KIAA2012: variants seen among roughly 807,000 people sequenced by gnomAD.
KIAA2012 encodes the protein KIAA2012.
In KIAA2012, 125 loss-of-function variants were observed where a neutral mutation model predicts 150.6. The observed-to-expected ratio is 0.83, with a 90% CI of 0.72 to 0.96. KIAA2012 has a LOEUF of 0.96. Among genes scored for constraint, KIAA2012 ranks in the 40% least tolerant of loss-of-function variants. The pLI, the probability that KIAA2012 is intolerant of heterozygous loss-of-function variation, is 0.00. For synonymous variants in KIAA2012, 462 were observed against 504.7 expected (o/e 0.92, Z 1.13); for missense variants, 1,219 against 1,354.9 (o/e 0.90, Z 1.57).
intron 11 of KIAA2012, among the ~76,000 whole-genome samples, chr2:202,122,567 C>G (rs184964926): frequency 6.2e-4 from 91 of 146,586 alleles, no homozygotes; most frequent in African/African-American, 2.1e-3. Context: ...GTGGCACGAT[C>G]TCGGCTCACT....
At chr2:202,203,971 A>G (rs932632100) in intron 23 of KIAA2012, among the ~76,000 whole-genome samples, 11 of 151,666 alleles carry the variant, frequency 7.3e-5, no homozygotes, top group African/African-American at 2.4e-4. Context: ...GGGTTTCACC[A>G]TGTTAGCCAG....
intron 14 of KIAA2012, among the ~76,000 whole-genome samples, chr2:202,158,417 A>G (rs1691580492): frequency 1.3e-5 from 2 of 152,236 alleles, no homozygotes; most frequent in Admixed American, 6.5e-5. Context: ...CAGGAAGATA[A>G]ACAATGAAAC....
chr2:202,090,746 G>GTTTC (rs1559199634), intron 2 of KIAA2012, 24 bp from the exon 3 acceptor site: 9 of 1,537,042 alleles, frequency 5.9e-6, no homozygotes, highest in Non-Finnish European at 7.9e-6. Flanking sequence ...CAGCTGTGCT[G>GTTTC]TTTCCTGACT....
intron 2 of KIAA2012, among the ~76,000 whole-genome samples, chr2:202,082,225 C>T (rs760247855): frequency 1.4e-4 from 22 of 152,066 alleles, no homozygotes; most frequent in Non-Finnish European, 3.1e-4. Flanking sequence ...ATAATTGGTT[C>T]ATGCCTGTAA....
intron 12 of KIAA2012, among the ~76,000 whole-genome samples, chr2:202,126,475 A>G (rs957665947): frequency 3.3e-5 from 5 of 152,210 alleles, no homozygotes; most frequent in African/African-American, 1.2e-4. Context: ...GGCCCTCTGC[A>G]TTCCCCCTTG....
rs935247509 is a variant in KIAA2012, at chr2:202,194,344, G to C, written c.3169G>C (p.Glu1057Gln). ...AGAACTACAGAGAAAAAAGCAGCAG[G>C]AGGAAGCCGAGAGGGCCGGTGAGGG... ...LRELQRKKQQ[E>Q]EAERAEAEKQ... Residue 1057 changes from glutamate (E) to glutamine (Q), a missense_variant, in exon 21 of 24, where the codon GAG becomes CAG. Glu to Gln is a conservative substitution (Grantham distance 29). Transcript: ENST00000498697. 19 of 1,550,146 alleles carry C rather than the reference G, an allele frequency of 1.2e-5. No individual in the cohort carries two copies. Among genetic ancestry groups the C allele is most frequent in the Non-Finnish European group, 1.7e-5 (19 of 1,147,000 alleles).
At chr2:202,196,167 G>GTTTCT (rs1186993610) in intron 21 of KIAA2012, among the ~76,000 whole-genome samples, 21,361 of 99,056 alleles carry the variant, frequency 0.22, 3,597 homozygotes, top group Non-Finnish European at 0.26. Flanking sequence ...GAAGCACCAA[G>GTTTCT]TTTCTTTTCT....
At chr2:202,131,437 A>G (rs1165138113) in intron 12 of KIAA2012, among the ~76,000 whole-genome samples, 1 of 152,176 alleles carries the variant, frequency 6.6e-6, no homozygotes, top group Non-Finnish European at 1.5e-5. Flanking sequence ...CACTGGGCCC[A>G]GTCTGTGAGT....
rs1489919790 is a variant in KIAA2012 at position 202,093,060 on chromosome 2, A to G, written c.560A>G (p.Asp187Gly). 6.4e-7 allele frequency: 1 copy of G among 1,550,692 alleles called. No individual in the cohort carries two copies. Residue 187 changes from aspartate (D) to glycine (G), a missense_variant, in exon 4 of 24, where the codon GAC becomes GGC. Physicochemically the swap from Asp to Gly is moderately conservative, Grantham distance 94. Coordinates refer to ENST00000498697, the MANE Select transcript of KIAA2012 (RefSeq NM_001277372.4). Reference sequence around the variant, plus strand: ...ATCAAGGATTCTGTGCTACTCCAGGACAGTCAACTTAATGTACCAAAGAAG... The same window carrying G: ...ATCAAGGATTCTGTGCTACTCCAGGGCAGTCAACTTAATGTACCAAAGAAG... ...GYIKDSVLLQDSQLNVPKKLR... is the reference protein window; with the variant it reads ...GYIKDSVLLQGSQLNVPKKLR...
chr2:202,119,079 G>A (rs1225703256), intron 11 of KIAA2012, among the ~76,000 whole-genome samples: 1 of 152,106 alleles, frequency 6.6e-6, no homozygotes, highest in Non-Finnish European at 1.5e-5. Context: ...GATCACCTGA[G>A]GTCAGGAGTT....
At chr2:202,119,014 C>T (rs1404409666) in intron 11 of KIAA2012, among the ~76,000 whole-genome samples, 2 of 152,166 alleles carry the variant, frequency 1.3e-5, no homozygotes, top group African/African-American at 4.8e-5. Context: ...TAATAGCTTG[C>T]GGCCAGGCGC....
At chr2:202,203,339 C>T (rs530937082) in intron 23 of KIAA2012, among the ~76,000 whole-genome samples, 1 of 152,250 alleles carries the variant, frequency 6.6e-6, no homozygotes, top group Admixed American at 6.5e-5. Flanking sequence ...AGCAAAACCA[C>T]AACCATTTCA....
chr2:202,076,055 T>C (rs1469887233), intron 2 of KIAA2012, among the ~76,000 whole-genome samples: 2 of 152,212 alleles, frequency 1.3e-5, no homozygotes, highest in African/African-American at 2.4e-5. Context: ...CTCTCCATTT[T>C]TGCACACACC....
At chr2:202,168,430 A>G (rs1691818418) in intron 15 of KIAA2012, among the ~76,000 whole-genome samples, 2 of 150,936 alleles carry the variant, frequency 1.3e-5, no homozygotes, top group South Asian at 4.2e-4. Flanking sequence ...AAAAAAAAAA[A>G]AAAAGAAAGA....
intron 10 of KIAA2012, among the ~76,000 whole-genome samples, chr2:202,110,268 C>T (rs1690311970): frequency 6.6e-6 from 1 of 152,232 alleles, no homozygotes; most frequent in Non-Finnish European, 1.5e-5. Context: ...AGGGCAAGGC[C>T]ATTCCCTCTA....
At chr2:202,179,286 C>T in intron 15 of KIAA2012, 1 of 1,173,062 alleles carries the variant, frequency 8.5e-7, no homozygotes. Context: ...TTTGGCTCTT[C>T]GGGTAAAGAT....
intron 4 of KIAA2012, 99 bp from the exon 5 acceptor site, chr2:202,097,336 C>A: frequency 6.6e-7 from 1 of 1,512,698 alleles, no homozygotes; most frequent in Non-Finnish European, 8.9e-7. Flanking sequence ...GCCTTGAGCA[C>A]TTTTACTCAG....
In KIAA2012 at chr2:202,184,863, A is replaced by T. The variant is rs1692196631; in HGVS notation, c.2210+20A>T. On this transcript the variant is annotated intron_variant, in intron 16 of 23. Coordinates refer to ENST00000498697, the MANE Select transcript of KIAA2012 (RefSeq NM_001277372.4). ...AAAAGTGTAAGTGTTCAAAGTTGTA[A>T]TAACATAGGCTTCTCTGCTTTTATT... is the stretch of plus-strand genomic sequence containing the variant. The T allele has an allele frequency of 6.6e-7, 1 of 1,515,858 alleles. No individual in the cohort carries two copies. Among genetic ancestry groups the T allele is most frequent in the Admixed American group, 2.2e-5 (1 of 46,170 alleles). 93.9% of individuals were successfully genotyped at this position (1,515,858 alleles called of 1,614,324 possible).
chr2:202,147,965 T>A (rs1691335297), intron 13 of KIAA2012, among the ~76,000 whole-genome samples: 1 of 152,132 alleles, frequency 6.6e-6, no homozygotes, highest in Non-Finnish European at 1.5e-5. Flanking sequence ...GGCTTCTACC[T>A]CCCTTGGGGC....
Sources: gnomAD v4.1 joint callset for allele counts (sites outside exome capture counted in the v4.1 genomes callset) on GRCh38, gnomAD v4.1.1 for gene constraint, MANE v1.5 for transcripts, NCBI Gene and HGNC (gene_info 2026-07-23, HGNC 2026-07-21) for gene names.